The following LARGE1 variants were observed in gnomAD, a reference collection of about 807,000 sequenced individuals.
LARGE1 encodes the protein LARGE xylosyl- and glucuronyltransferase 1.
In LARGE1, 43 loss-of-function variants were observed where a neutral mutation model predicts 87.6. The ratio of observed to expected loss-of-function variants is 0.49; its 90% confidence interval spans 0.38 to 0.63. The LOEUF (loss-of-function observed/expected upper bound fraction) is 0.63. Ranked by LOEUF, LARGE1 falls within the 30% of genes least tolerant of loss-of-function variation. LARGE1 has a pLI of 0.00. For missense variants in LARGE1, 802 were observed against 1,000.2 expected (o/e 0.80, Z 2.67); for synonymous variants, 434 against 394.6 (o/e 1.10, Z -1.18).
chr22:33,766,053 T>A (rs2084890939), intron 1 of LARGE1, among the ~76,000 whole-genome samples: 1 of 152,132 alleles, frequency 6.6e-6, no homozygotes. Context: ...AAAATCTCAA[T>A]CTATATCAGA....
At chr22:33,829,012 T>TA (rs1288021857) in intron 1 of LARGE1, among the ~76,000 whole-genome samples, 1 of 139,638 alleles carries the variant, frequency 7.2e-6, no homozygotes, top group South Asian at 2.4e-4. Flanking sequence ...TTTTCTTTTT[T>TA]TTTTTTTTTT....
intron 6 of LARGE1, among the ~76,000 whole-genome samples, chr22:33,506,944 C>A (rs2070793692): frequency 6.6e-6 from 1 of 152,120 alleles, no homozygotes; most frequent in Non-Finnish European, 1.5e-5. Context: ...GACAACAAAG[C>A]AGACTGTACC....
chr22:33,815,532 G>A (rs1037810559), intron 1 of LARGE1, among the ~76,000 whole-genome samples: 1 of 152,116 alleles, frequency 6.6e-6, no homozygotes, highest in East Asian at 1.9e-4. Flanking sequence ...AGTGGTTGAG[G>A]GACTGGCTTT....
intron 14 of LARGE1, 112 bp downstream of exon 14, chr22:33,276,948 T>C (rs1390413486): frequency 9.6e-7 from 1 of 1,036,404 alleles, no homozygotes; most frequent in Non-Finnish European, 1.5e-6. Context: ...TCCTCAAGCA[T>C]ATCTTGTTCC....
chr22:33,842,881 T>C (rs2063318937), intron 1 of LARGE1, among the ~76,000 whole-genome samples: 1 of 151,948 alleles, frequency 6.6e-6, no homozygotes, highest in Non-Finnish European at 1.5e-5. Context: ...CCTGTTGCTC[T>C]CTCTCACTCA....
At chr22:33,813,883 A>T (rs2086573944) in intron 1 of LARGE1, among the ~76,000 whole-genome samples, 1 of 152,232 alleles carries the variant, frequency 6.6e-6, no homozygotes, top group Admixed American at 6.5e-5. Flanking sequence ...TGAACACTGA[A>T]CAAACATGCA....
chr22:33,335,571 A>C (rs1372908348), intron 10 of LARGE1, among the ~76,000 whole-genome samples: 1 of 152,206 alleles, frequency 6.6e-6, no homozygotes, highest in Non-Finnish European at 1.5e-5. Flanking sequence ...TAACTATAAA[A>C]ACAGCAGCAA....
At chr22:33,134,487 G>C in the LARGE1 span, among the ~76,000 whole-genome samples, 49,577 of 151,988 alleles carry the variant, frequency 0.33, 8,289 homozygotes, top group South Asian at 0.46. Context: ...TCAATCTCCT[G>C]AGCTTGTGAT....
intron 9 of LARGE1, among the ~76,000 whole-genome samples, chr22:33,358,293 A>G (rs1474268449): frequency 1.9e-5 from 1 of 51,330 alleles, no homozygotes; most frequent in Non-Finnish European, 4.2e-5. Context: ...TCTCCCCCAA[A>G]ACCAACTGTT....
At chr22:33,475,878 T>G (rs536268627) in intron 6 of LARGE1, among the ~76,000 whole-genome samples, 1 of 152,196 alleles carries the variant, frequency 6.6e-6, no homozygotes. Context: ...CTAATTTGGA[T>G]AGGTGTTATT....
chr22:33,634,751 G>A (rs2080217795), intron 3 of LARGE1, among the ~76,000 whole-genome samples: 1 of 152,062 alleles, frequency 6.6e-6, no homozygotes, highest in South Asian at 2.1e-4. Context: ...AGTTTGTAAT[G>A]GCAGACAGAC....
intron 6 of LARGE1, among the ~76,000 whole-genome samples, chr22:33,508,286 T>C (rs1239259656): frequency 6.6e-6 from 1 of 152,204 alleles, no homozygotes; most frequent in African/African-American, 2.4e-5. Context: ...CAGGGGCCAC[T>C]GCAGGGCACT....
intron 11 of LARGE1, among the ~76,000 whole-genome samples, chr22:33,243,484 C>T (rs907434540): frequency 6.6e-6 from 1 of 152,178 alleles, no homozygotes; most frequent in Non-Finnish European, 1.5e-5. Context: ...TCAAATATTC[C>T]TTGGAATTAT....
intron 1 of LARGE1, among the ~76,000 whole-genome samples, chr22:33,821,923 C>T (rs1003570317): frequency 2.7e-5 from 4 of 148,500 alleles, no homozygotes; most frequent in African/African-American, 1.0e-4. Context: ...GTCCCAATCA[C>T]TCAGGTTCCG....
intron 2 of LARGE1, among the ~76,000 whole-genome samples, chr22:33,727,204 T>C (rs1231302918): frequency 2.6e-5 from 4 of 152,156 alleles, no homozygotes; most frequent in Non-Finnish European, 5.9e-5. Flanking sequence ...GTTATAGGGC[T>C]GTTAACAAGA....
At chr22:33,079,372 C>T in the LARGE1 span, among the ~76,000 whole-genome samples, 25 of 151,636 alleles carry the variant, frequency 1.6e-4, no homozygotes, top group South Asian at 2.5e-3. Flanking sequence ...GGACTACAGG[C>T]GCCCGCCACC....
intron 9 of LARGE1, among the ~76,000 whole-genome samples, chr22:33,370,580 T>C (rs376719061): frequency 1.6e-4 from 25 of 152,246 alleles, no homozygotes; most frequent in Middle Eastern, 3.4e-3. Flanking sequence ...ATGGGTGAGT[T>C]TGTATTACTA....
intron 2 of LARGE1, among the ~76,000 whole-genome samples, chr22:33,759,744 T>C (rs2084655110): frequency 6.6e-6 from 1 of 152,154 alleles, no homozygotes; most frequent in African/African-American, 2.4e-5. Flanking sequence ...ACTTCTTTTA[T>C]AAAAAGGGCT....
intron 2 of LARGE1, among the ~76,000 whole-genome samples, chr22:33,701,258 C>A (rs572331270): frequency 6.6e-6 from 1 of 151,938 alleles, no homozygotes; most frequent in Non-Finnish European, 1.5e-5. Flanking sequence ...TTCAGAAGAA[C>A]GGCAACAGAT....
Sources: allele counts gnomAD v4.1 joint callset (sites outside exome capture counted in the v4.1 genomes callset), GRCh38; gene constraint gnomAD v4.1.1; transcripts MANE v1.5; gene names NCBI Gene and HGNC (gene_info 2026-07-23, HGNC 2026-07-21).